MARCHF1: variants seen among roughly 807,000 people sequenced by gnomAD.
MARCHF1 encodes E3 ubiquitin-protein ligase MARCHF1.
MARCHF1 carries 40 observed loss-of-function variants against 54.2 expected under a neutral mutation model. The ratio of observed to expected loss-of-function variants is 0.74; its 90% CI spans 0.57 to 0.96. MARCHF1 has a LOEUF of 0.96. Among genes scored for constraint, MARCHF1 ranks in the 40% least tolerant of loss-of-function variants. The pLI, the probability that MARCHF1 is intolerant of heterozygous loss-of-function variation, is 0.00. For synonymous variants in MARCHF1, 236 were observed against 236.3 expected (o/e 1.00, Z 0.01); for missense variants, 586 against 656.5 (o/e 0.89, Z 1.17).
chr4:164,356,648 G>A (rs1730549231), intron 1 of MARCHF1, among the ~76,000 whole-genome samples: 1 of 143,288 alleles, frequency 7.0e-6, no homozygotes, highest in South Asian at 2.3e-4. Context: ...AGCATTGGGA[G>A]ATATACCTAA....
At chr4:163,736,736 G>C (rs996402983) in intron 4 of MARCHF1, among the ~76,000 whole-genome samples, 1 of 152,072 alleles carries the variant, frequency 6.6e-6, no homozygotes, top group Admixed American at 6.6e-5. Flanking sequence ...ATTGTATCAC[G>C]TCTAAGAAAT....
chr4:163,770,708 T>C (rs1326151877), intron 4 of MARCHF1, among the ~76,000 whole-genome samples: 2 of 152,122 alleles, frequency 1.3e-5, no homozygotes, highest in African/African-American at 4.8e-5. Flanking sequence ...AGATATTTGC[T>C]AGAAGCAAAG....
chr4:163,777,790 A>G (rs2110891978), intron 4 of MARCHF1, among the ~76,000 whole-genome samples: 1 of 152,320 alleles, frequency 6.6e-6, no homozygotes, highest in South Asian at 2.1e-4. Context: ...TACATACAAT[A>G]AAATTGAGCA....
At chr4:163,586,766 A>G (rs1740426484) in intron 7 of MARCHF1, among the ~76,000 whole-genome samples, 1 of 152,346 alleles carries the variant, frequency 6.6e-6, no homozygotes, top group African/African-American at 2.4e-5. Flanking sequence ...TTATTGTGTT[A>G]CTTTGATAAT....
intron 3 of MARCHF1, among the ~76,000 whole-genome samples, chr4:163,896,531 T>G (rs1449827142): frequency 6.6e-6 from 1 of 152,192 alleles, no homozygotes; most frequent in East Asian, 1.9e-4. Flanking sequence ...TTTTCTTGGT[T>G]TTTCTCCAAT....
intron 1 of MARCHF1, among the ~76,000 whole-genome samples, chr4:164,191,986 A>T (rs545751798): frequency 6.6e-6 from 1 of 152,266 alleles, no homozygotes; most frequent in South Asian, 2.1e-4. Context: ...ACCAATGGTA[A>T]AATATGACAA....
intron 8 of MARCHF1, chr4:163,584,235 AAT>A (rs1482905019): frequency 6.6e-6 from 1 of 152,114 alleles, no homozygotes; most frequent in East Asian, 1.9e-4. Context: ...AGAAAATTAG[AAT>A]ATGTTATTAT....
chr4:164,042,431 G>A (rs1754148633), intron 2 of MARCHF1, among the ~76,000 whole-genome samples: 1 of 152,090 alleles, frequency 6.6e-6, no homozygotes, highest in Non-Finnish European at 1.5e-5. Flanking sequence ...AAGGGAGAGA[G>A]AGCAAAGAGG....
chr4:164,231,470 T>A (rs946946626), intron 1 of MARCHF1, among the ~76,000 whole-genome samples: 2 of 152,164 alleles, frequency 1.3e-5, no homozygotes, highest in African/African-American at 4.8e-5. Context: ...ACAGAACAAA[T>A]CTAGTGTGTA....
chr4:163,808,724 A>G (rs1303671419), intron 4 of MARCHF1, among the ~76,000 whole-genome samples: 2 of 151,974 alleles, frequency 1.3e-5, no homozygotes, highest in Non-Finnish European at 2.9e-5. Context: ...ACCTGCCACC[A>G]TGCCTGGCTA....
At chr4:164,063,353 G>A (rs1207916154) in intron 2 of MARCHF1, among the ~76,000 whole-genome samples, 5 of 152,140 alleles carry the variant, frequency 3.3e-5, no homozygotes, top group Non-Finnish European at 7.4e-5. Flanking sequence ...GTTTAGTGTA[G>A]CCACTTTCAT....
At chr4:163,913,927 C>T (rs752582118) in intron 3 of MARCHF1, among the ~76,000 whole-genome samples, 42 of 152,076 alleles carry the variant, frequency 2.8e-4, no homozygotes, top group African/African-American at 7.0e-4. Context: ...ACAGTGGGGG[C>T]GGCAGACTAC....
chr4:163,545,552 T>C, intron 9 of MARCHF1, 44 bp downstream of exon 9: 1 of 1,586,314 alleles, frequency 6.3e-7, no homozygotes, highest in Non-Finnish European at 8.6e-7. Context: ...CTCTGAGTAT[T>C]GTCTTTAGGA....
intron 1 of MARCHF1, chr4:164,135,503 A>C (rs928501323): frequency 7.2e-5 from 11 of 152,330 alleles, no homozygotes; most frequent in African/African-American, 2.6e-4. Flanking sequence ...ACATGGCAAC[A>C]AGAAGGAGAA....
intron 3 of MARCHF1, among the ~76,000 whole-genome samples, chr4:163,959,970 A>G (rs1425386121): frequency 1.3e-5 from 2 of 151,990 alleles, no homozygotes; most frequent in Non-Finnish European, 2.9e-5. Flanking sequence ...TAAGAGGAAA[A>G]AAACCCCATT....
intron 1 of MARCHF1, among the ~76,000 whole-genome samples, chr4:164,283,831 A>G (rs1389402165): frequency 6.6e-6 from 1 of 151,032 alleles, no homozygotes; most frequent in African/African-American, 2.4e-5. Context: ...AGAAGGGGAT[A>G]TCATGGAAAC....
chr4:163,538,462 T>G (rs546786295), intron 9 of MARCHF1, among the ~76,000 whole-genome samples: 5 of 152,156 alleles, frequency 3.3e-5, no homozygotes, highest in Non-Finnish European at 7.4e-5. Flanking sequence ...ACCTGAGAAT[T>G]AAGCATTAGT....
chr4:163,895,651 C>T (rs1288482754), intron 3 of MARCHF1, among the ~76,000 whole-genome samples: 2 of 152,094 alleles, frequency 1.3e-5, no homozygotes, highest in South Asian at 2.1e-4. Flanking sequence ...ACAAACTTAG[C>T]GAGGTCTGTT....
chr4:163,860,305 G>A (rs1749889792), intron 3 of MARCHF1, among the ~76,000 whole-genome samples: 1 of 152,050 alleles, frequency 6.6e-6, no homozygotes, highest in African/African-American at 2.4e-5. Flanking sequence ...TATTAGTGGG[G>A]ACTCTACACT....
Sources: allele counts gnomAD v4.1 joint callset (sites outside exome capture counted in the v4.1 genomes callset), GRCh38; gene constraint gnomAD v4.1.1; transcripts MANE v1.5; gene names NCBI Gene and HGNC (gene_info 2026-07-23, HGNC 2026-07-21).